Variants in CCNY observed in about 807,000 individuals in gnomAD.
CCNY encodes cyclin-Y.
A neutral mutation model predicts 42.8 loss-of-function variants in CCNY; 19 were observed. That is an observed-to-expected ratio of 0.44 (90% CI 0.31 to 0.65). The LOEUF (loss-of-function observed/expected upper bound fraction) is 0.65. Ranked by LOEUF, CCNY falls within the 30% of genes least tolerant of loss-of-function variation. The pLI is 0.07. For missense variants in CCNY, 370 were observed against 437.3 expected (o/e 0.85, Z 1.37); for synonymous variants, 165 against 162.7 (o/e 1.01, Z -0.11).
At chr10:35,410,457 C>G (rs1390101655) in intron 1 of CCNY, among the ~76,000 whole-genome samples, 1 of 152,062 alleles carries the variant, frequency 6.6e-6, no homozygotes, top group Admixed American at 6.5e-5. Context: ...CACGGAAACA[C>G]TGCAGATAAA....
At chr10:35,457,146 A>G (rs1194100956) in intron 1 of CCNY, among the ~76,000 whole-genome samples, 1 of 152,186 alleles carries the variant, frequency 6.6e-6, no homozygotes, top group Non-Finnish European at 1.5e-5. Context: ...TTTGATGTAT[A>G]ACCTTTAAAA....
intron 1 of CCNY, among the ~76,000 whole-genome samples, chr10:35,456,202 G>A (rs966690061): frequency 6.6e-6 from 1 of 152,118 alleles, no homozygotes; most frequent in Non-Finnish European, 1.5e-5. Context: ...CAGTGTTATG[G>A]AGAGATACTT....
chr10:35,426,105 GCACGCGCACACACACACA>G (rs1462754403), intron 1 of CCNY, among the ~76,000 whole-genome samples: 5 of 57,970 alleles, frequency 8.6e-5, no homozygotes, highest in African/African-American at 2.4e-4. Context: ...CACTGGTCCA[GCACGCGCACACACACACA>G]CACACACACA....
intron 3 of CCNY, among the ~76,000 whole-genome samples, chr10:35,259,495 G>GGTTT (rs2095717929): frequency 4.6e-5 from 3 of 65,146 alleles, no homozygotes; most frequent in Admixed American, 2.2e-4. Flanking sequence ...AGTCCTGGTT[G>GGTTT]TTTTTTTTTT....
At chr10:35,346,608 C>G (rs1836309178) in intron 1 of CCNY, among the ~76,000 whole-genome samples, 1 of 152,142 alleles carries the variant, frequency 6.6e-6, no homozygotes, top group Non-Finnish European at 1.5e-5. Context: ...TCACCTTTGT[C>G]AGAAGATGGA....
chr10:35,250,823 C>T (rs778131743), intron 3 of CCNY: 4 of 152,218 alleles, frequency 2.6e-5, no homozygotes, highest in African/African-American at 4.8e-5. Flanking sequence ...GCTTCGCATT[C>T]ATGTTCACAT....
intron 1 of CCNY, among the ~76,000 whole-genome samples, chr10:35,451,124 T>C (rs939055232): frequency 2.0e-5 from 3 of 152,260 alleles, no homozygotes; most frequent in Non-Finnish European, 4.4e-5. Flanking sequence ...AGAATAAATG[T>C]GTATTTCCCA....
chr10:35,497,951 G>A lies in CCNY; in HGVS notation c.230-3550G>A, dbSNP rs539110814. On this transcript the variant is annotated intron_variant, in intron 2 of 9. Coordinates refer to ENST00000374704, the MANE Select transcript of CCNY (RefSeq NM_145012.6). ...CTCTGCCGTGTTTCTCTGCATGGCA[G>A]AGGGACACCACTGCTTTATGGGGGT... Among the ~76,000 whole-genome samples, 10 of 152,198 alleles carry A rather than the reference G, an allele frequency of 6.6e-5. No individual in the cohort carries two copies. The East Asian group carries it at 1.9e-3, about 30-fold the overall frequency.
intron 4 of CCNY, among the ~76,000 whole-genome samples, chr10:35,524,498 G>A (rs988170037): frequency 3.9e-5 from 6 of 152,176 alleles, no homozygotes; most frequent in African/African-American, 9.7e-5. Flanking sequence ...TCCAAGGTGC[G>A]TGCTCATGTC....
intron 3 of CCNY, among the ~76,000 whole-genome samples, chr10:35,309,038 TG>T (rs1835650066): frequency 6.6e-6 from 1 of 152,080 alleles, no homozygotes; most frequent in South Asian, 2.1e-4. Context: ...TAGGGGAATG[TG>T]TGGGAATCTT....
At chr10:35,395,941 C>T (rs1413338841) in intron 1 of CCNY, among the ~76,000 whole-genome samples, 1 of 151,928 alleles carries the variant, frequency 6.6e-6, no homozygotes, top group African/African-American at 2.4e-5. Flanking sequence ...GCCCAGTGTG[C>T]GGGTGTTGTG....
Position 35,493,619 on chromosome 10 carries a change from A to G in CCNY, c.230-7882A>G, listed in dbSNP as rs145227990. ...AATGCCTTGGAATGATTGCCTGAAGATAGCGATCCTCTGGAATCAGACTGC... is the reference window on the plus strand; with the variant it reads ...AATGCCTTGGAATGATTGCCTGAAGGTAGCGATCCTCTGGAATCAGACTGC... On this transcript the variant is annotated intron_variant, in intron 2 of 9. Coordinates refer to ENST00000374704, the MANE Select transcript of CCNY (RefSeq NM_145012.6). 3.7e-3 allele frequency among the ~76,000 whole-genome samples: 569 copies of G among 152,334 alleles called. 5 individuals carry two copies. Among genetic ancestry groups the G allele is most frequent in the African/African-American group, 0.013 (539 of 41,568 alleles).
intron 1 of CCNY, among the ~76,000 whole-genome samples, chr10:35,461,434 C>T (rs985093861): frequency 1.3e-5 from 2 of 152,062 alleles, no homozygotes; most frequent in Non-Finnish European, 2.9e-5. Flanking sequence ...AGGATTCTTG[C>T]TGAAGGCAGA....
chr10:35,361,516 G>A (rs2504359), intron 1 of CCNY, among the ~76,000 whole-genome samples: 8,087 of 152,098 alleles, frequency 0.053, 315 homozygotes, highest in African/African-American at 0.11. Flanking sequence ...TGCCTGTGGG[G>A]GGCATTTCCT....
At chr10:35,313,368 T>C (rs1835712371) in intron 3 of CCNY, among the ~76,000 whole-genome samples, 1 of 152,222 alleles carries the variant, frequency 6.6e-6, no homozygotes, top group Admixed American at 6.5e-5. Flanking sequence ...TGAAGTAGGA[T>C]GTACAGGTAG....
intron 3 of CCNY, among the ~76,000 whole-genome samples, chr10:35,266,081 C>T (rs955751043): frequency 6.6e-6 from 1 of 151,700 alleles, no homozygotes; most frequent in Non-Finnish European, 1.5e-5. Flanking sequence ...TTTTTATTTA[C>T]TATTATTATT....
At chr10:35,247,748 T>C (rs574878178) in intron 1 of CCNY, among the ~76,000 whole-genome samples, 5 of 148,130 alleles carry the variant, frequency 3.4e-5, no homozygotes, top group Middle Eastern at 3.6e-3. Context: ...TGGTGGTGGG[T>C]GCCTGTAGTC....
At chr10:35,526,674 T>G (rs1359076975) in intron 5 of CCNY, among the ~76,000 whole-genome samples, 1 of 152,148 alleles carries the variant, frequency 6.6e-6, no homozygotes, top group Non-Finnish European at 1.5e-5. Context: ...TCCAAGTTTT[T>G]TTTTTTTTTT....
intron 3 of CCNY, among the ~76,000 whole-genome samples, chr10:35,312,272 T>C (rs1328420490): frequency 2.7e-5 from 4 of 150,160 alleles, no homozygotes; most frequent in Non-Finnish European, 5.9e-5. Flanking sequence ...TCCCAGCTAC[T>C]TGGGATGCTG....
Sources: gnomAD v4.1 joint callset for allele counts (sites outside exome capture counted in the v4.1 genomes callset) on GRCh38, gnomAD v4.1.1 for gene constraint, MANE v1.5 for transcripts, NCBI Gene and HGNC (gene_info 2026-07-23, HGNC 2026-07-21) for gene names.